ARHGEF12: variants seen among roughly 807,000 people sequenced by gnomAD.
ARHGEF12 encodes the protein Rho guanine nucleotide exchange factor 12, also known as KMT2A/ARHGEF12 fusion protein.
ARHGEF12 carries 66 observed loss-of-function variants against 211.2 expected under a neutral mutation model. That is an observed-to-expected ratio of 0.31 (90% confidence interval 0.26 to 0.38). The LOEUF (loss-of-function observed/expected upper bound fraction) is 0.38. ARHGEF12 is among the 10% of genes least tolerant of loss of function. ARHGEF12 has a pLI of 1.00. For missense variants in ARHGEF12, 1,429 were observed against 1,869.5 expected, an observed-to-expected ratio of 0.76 and a Z score of 4.34; for synonymous variants, 592 against 638.4, an observed-to-expected ratio of 0.93 and a Z score of 1.09.
At chr11:120,387,001 G>A (rs532988182) in intron 1 of ARHGEF12, among the ~76,000 whole-genome samples, 24 of 152,150 alleles carry the variant, frequency 1.6e-4, no homozygotes, top group African/African-American at 5.5e-4. Context: ...TGCCATGAGT[G>A]AAAAGGAGAT....
intron 1 of ARHGEF12, among the ~76,000 whole-genome samples, chr11:120,363,619 T>C (rs932491003): frequency 1.3e-5 from 2 of 152,212 alleles, no homozygotes; most frequent in Admixed American, 1.3e-4. Flanking sequence ...ATCATGAAGA[T>C]AGTATTTTAA....
chr11:120,470,008 T>C (rs1946822912), intron 30 of ARHGEF12, among the ~76,000 whole-genome samples: 1 of 152,212 alleles, frequency 6.6e-6, no homozygotes. Context: ...AAGCATGGTC[T>C]GTTGGAAGAA....
Position 120,347,179 on chromosome 11 carries a change from C to CTTT in ARHGEF12, c.32+9904_32+9905insTTT, listed in dbSNP as rs1555090022. 3.8e-3 allele frequency among the ~76,000 whole-genome samples: 367 copies of CTTT among 95,448 alleles called. 6 individuals carry two copies. Among genetic ancestry groups the CTTT allele is most frequent in the East Asian group, 9.2e-3 (28 of 3,054 alleles). 62.6% of individuals were successfully genotyped at this position (95,448 alleles called of 152,430 possible). A position where few individuals can be genotyped will look rare whatever the true frequency, so the allele number is the denominator to read the frequency against. ...TCCTTCCTTCCTTCCTTCCTTCCTT[C>CTTT]CTTCCTTTCTTTCTTTCTTTCTTTC... On this transcript the variant is annotated intron_variant, in intron 1 of 40. Coordinates refer to ENST00000397843, the MANE Select transcript of ARHGEF12 (RefSeq NM_015313.3).
At chr11:120,481,643 G>A in intron 39 of ARHGEF12, 67 bp downstream of exon 39, 2 of 1,481,926 alleles carry the variant, frequency 1.3e-6, no homozygotes, top group South Asian at 1.2e-5. Flanking sequence ...GAAGAATAGG[G>A]TGATGAAAAT....
chr11:120,421,489 G>A (rs1262091039), intron 5 of ARHGEF12, among the ~76,000 whole-genome samples: 2 of 139,888 alleles, frequency 1.4e-5, no homozygotes, highest in South Asian at 2.5e-4. Context: ...CCAGACTGGA[G>A]TGCAGTGGCA....
At position 120,478,245 on chromosome 11, in the gene ARHGEF12, C is replaced by G; in HGVS notation, c.3622C>G (p.Leu1208Val). The change falls in exon 37 of 41, where the codon CTG becomes GTG. Residue 1208 changes from leucine (L) to valine (V), a missense_variant. Around this residue, in one of 7 missense-constraint regions of ARHGEF12, gnomAD observed 467 missense variants for 468.4 expected, o/e 1.00. Coordinates refer to ENST00000397843, the MANE Select transcript of ARHGEF12 (RefSeq NM_015313.3). ...CTCTGGGAAATCAGAGGTACGTGAT[C>G]TGTTTGTGGCTGAGAGACAGTTTGC... is the stretch of plus-strand genomic sequence containing the variant. ...STSGKSEVRD[L>V]FVAERQFAKE... The G allele has an allele frequency of 6.2e-7, 1 of 1,614,138 alleles. No homozygotes were observed. The highest frequency in any genetic ancestry group is 8.5e-7 in the Non-Finnish European group (1 of 1,180,026).
chr11:120,418,885 A>C (rs1281857603), intron 4 of ARHGEF12, among the ~76,000 whole-genome samples: 1 of 151,464 alleles, frequency 6.6e-6, no homozygotes, highest in Non-Finnish European at 1.5e-5. Context: ...TTGGCTGGAG[A>C]GTTGCATATA....
At chr11:120,478,054 T>C (rs1675259659) in intron 36 of ARHGEF12, 102 bp from the exon 37 acceptor site, 3 of 779,488 alleles carry the variant, frequency 3.8e-6, no homozygotes, top group Non-Finnish European at 6.0e-6. Context: ...CTCTGTAGTT[T>C]ATGGATTGTT....
At chr11:120,354,777 T>C (rs1439320549) in intron 1 of ARHGEF12, among the ~76,000 whole-genome samples, 1 of 152,144 alleles carries the variant, frequency 6.6e-6, no homozygotes, top group Non-Finnish European at 1.5e-5. Context: ...ATTAGAGAAT[T>C]GTATTGAGAA....
chr11:120,484,449 A>T lies in ARHGEF12; in HGVS notation c.4566A>T (p.Glu1522Asp). The change falls in exon 40 of 41, where the codon GAA becomes GAT. Residue 1522 changes from glutamate (E) to aspartate (D), a missense_variant. Physicochemically the swap from Glu to Asp is conservative, Grantham distance 45 (BLOSUM62 2). This residue lies in a region of ARHGEF12 where 467 missense variants were observed against 468.4 expected (regional missense o/e 1.00). Coordinates refer to ENST00000397843, the MANE Select transcript of ARHGEF12 (RefSeq NM_015313.3). ...GTTTTATTTCACAGAAGGTGGAGGA[A>T]AGTTACACCATTCTTTGCCAAAGGC... ...ADLEHLKKVE[E>D]SYTILCQRLA... 6.2e-7 allele frequency: 1 copy of T among 1,614,032 alleles called. No individual in the cohort carries two copies. Among genetic ancestry groups the T allele is most frequent in the Non-Finnish European group, 8.5e-7 (1 of 1,179,990 alleles).
At chr11:120,412,374 G>T (rs1472781836) in intron 4 of ARHGEF12, among the ~76,000 whole-genome samples, 1 of 152,168 alleles carries the variant, frequency 6.6e-6, no homozygotes, top group African/African-American at 2.4e-5. Context: ...AGACTGCTTG[G>T]TTTAAGCAAT....
Position 120,485,673 on chromosome 11 carries a change from G to A in ARHGEF12, c.*596G>A. The A allele has an allele frequency of 4.3e-6, 1 of 233,858 alleles. No homozygotes were observed. Among genetic ancestry groups the A allele is most frequent in the Admixed American group, 5.6e-5 (1 of 17,824 alleles). The allele number at this position is 233,858 out of a possible 1,614,324, so 14.5% of individuals were successfully genotyped here. ...CAAGCTCTCTGCTGTCCAGTAGGCT[G>A]CTTCTCTGAGGGTCACCTCAAAGGT... On this transcript the variant is annotated 3_prime_UTR_variant, in exon 41 of 41. Transcript: ENST00000397843.
At chr11:120,350,909 A>G (rs10892562) in intron 1 of ARHGEF12, among the ~76,000 whole-genome samples, 66,937 of 152,010 alleles carry the variant, frequency 0.44, 15,420 homozygotes, top group African/African-American at 0.57. Flanking sequence ...GATAAATATG[A>G]TGATCTTTTG....
At chr11:120,420,667 C>T (rs1182134487) in intron 4 of ARHGEF12, 86 bp from the exon 5 acceptor site, 2 of 1,130,706 alleles carry the variant, frequency 1.8e-6, no homozygotes, top group East Asian at 2.6e-5. Flanking sequence ...CCAGATGGAA[C>T]ACAGTTTATT....
At chr11:120,347,179 C>CTTTCTTTCTTTCTTTCTTTCTTTCTTT (rs1555090022) in intron 1 of ARHGEF12, among the ~76,000 whole-genome samples, 2 of 95,412 alleles carry the variant, frequency 2.1e-5, no homozygotes, top group Non-Finnish European at 4.7e-5. Context: ...TTCCTTCCTT[C>CTTTCTTTCTTTCTTTCTTTCTTTCTTT]CTTCCTTTCT....
At chr11:120,382,880 C>G (rs915683258) in intron 1 of ARHGEF12, among the ~76,000 whole-genome samples, 18 of 152,356 alleles carry the variant, frequency 1.2e-4, no homozygotes, top group African/African-American at 3.8e-4. Context: ...GCGGTTCACG[C>G]CTGTAATCCC....
At chr11:120,401,725 G>A (rs1382218601) in intron 1 of ARHGEF12, among the ~76,000 whole-genome samples, 1 of 152,080 alleles carries the variant, frequency 6.6e-6, no homozygotes, top group Non-Finnish European at 1.5e-5. Flanking sequence ...ATTGTAACCT[G>A]ATCTTTTTTC....
chr11:120,473,105 A>AC lies in ARHGEF12; in HGVS notation c.3014dup (p.Asn1006LysfsTer3). On this transcript the variant is annotated frameshift_variant, in exon 31 of 41. Coordinates refer to ENST00000397843, the MANE Select transcript of ARHGEF12 (RefSeq NM_015313.3). LOFTEE classifies it high-confidence loss of function. ...ACCTCCAGCCTGAAGTTGTCAGAGT[A>AC]CCCAAATGTTGAAGAGCTCAGGGTG... The AC allele has an allele frequency of 6.2e-7, 1 of 1,613,656 alleles. No individual in the cohort carries two copies. The highest frequency in any genetic ancestry group is 8.5e-7 in the Non-Finnish European group (1 of 1,179,748).
chr11:120,455,888 A>G (rs1322369870), intron 22 of ARHGEF12, among the ~76,000 whole-genome samples: 1 of 152,244 alleles, frequency 6.6e-6, no homozygotes, highest in Non-Finnish European at 1.5e-5. Flanking sequence ...TGTTCAGGAA[A>G]ATAAGTCATG....
Sources: allele counts gnomAD v4.1 joint callset (sites outside exome capture counted in the v4.1 genomes callset), GRCh38; gene constraint gnomAD v4.1.1; regional missense constraint gnomAD v4.1.1; transcripts MANE v1.5; gene names NCBI Gene and HGNC (gene_info 2026-07-23, HGNC 2026-07-21).